Variants in CCDC7 observed in about 807,000 individuals in gnomAD.
CCDC7 encodes coiled-coil domain containing 7, also known as coiled-coil domain-containing protein 7.
In CCDC7, 183 loss-of-function variants were observed where a neutral mutation model predicts 196.9. That is an observed-to-expected ratio of 0.93 (90% CI 0.82 to 1.05). The LOEUF is 1.05. CCDC7 is among the 50% of genes least tolerant of loss of function. The probability of loss-of-function intolerance (pLI) is 0.00; values close to 1 mark genes in which losing one functional copy is unlikely to be tolerated. For missense variants in CCDC7, 1,540 were observed against 1,482.2 expected, an observed-to-expected ratio of 1.04 and a Z score of -0.64; for synonymous variants, 525 against 484.6, an observed-to-expected ratio of 1.08 and a Z score of -1.10.
chr10:32,707,505 C>G (rs2079997752), intron 24 of CCDC7, among the ~76,000 whole-genome samples: 1 of 152,136 alleles, frequency 6.6e-6, no homozygotes, highest in Non-Finnish European at 1.5e-5. Context: ...AAAAGGTATT[C>G]AATTAGGAAA....
At chr10:32,607,769 GT>G (rs1332574288) in intron 18 of CCDC7, among the ~76,000 whole-genome samples, 1 of 152,014 alleles carries the variant, frequency 6.6e-6, no homozygotes, top group East Asian at 1.9e-4. Context: ...TTCATCAGGG[GT>G]TTTGGCCTAT....
chr10:32,757,632 T>G (rs2076689023), intron 28 of CCDC7, among the ~76,000 whole-genome samples: 1 of 152,196 alleles, frequency 6.6e-6, no homozygotes, highest in African/African-American at 2.4e-5. Context: ...TAGCACTAAA[T>G]GCCCACAAGA....
At chr10:32,810,879 C>A (rs567301613) in intron 30 of CCDC7, among the ~76,000 whole-genome samples, 48 of 151,976 alleles carry the variant, frequency 3.2e-4, no homozygotes, top group African/African-American at 1.2e-3. Context: ...GGGAACTGTG[C>A]AAACACATGG....
chr10:32,545,242 A>G (rs1160342373), intron 13 of CCDC7, among the ~76,000 whole-genome samples: 2 of 152,196 alleles, frequency 1.3e-5, no homozygotes, highest in Non-Finnish European at 2.9e-5. Flanking sequence ...AGAGGACAAC[A>G]ATGTAACCTA....
At chr10:32,758,188 C>T (rs1447446947) in intron 28 of CCDC7, among the ~76,000 whole-genome samples, 1 of 152,102 alleles carries the variant, frequency 6.6e-6, no homozygotes, top group Non-Finnish European at 1.5e-5. Flanking sequence ...GGGGCTGGGA[C>T]CATTCCTTCT....
In CCDC7 at chr10:32,845,945, TG is replaced by T; in HGVS notation, c.3591del (p.Lys1198ArgfsTer11). The stretch of plus-strand genomic sequence containing the variant: ...ATAATAGGGCCAATCACTACACAAC[TG>T]AAGAGTCACCGAGGTAAGAGAAAGA... On this transcript the variant is annotated frameshift_variant, in exon 36 of 42. Transcript: ENST00000639629. LOFTEE classifies it high-confidence loss of function. The T allele has an allele frequency of 6.2e-7, 1 of 1,610,644 alleles. No individual in the cohort carries two copies. The highest frequency in any genetic ancestry group is 8.5e-7 in the Non-Finnish European group (1 of 1,177,566).
chr10:32,701,993 T>G (rs933377899), intron 24 of CCDC7, among the ~76,000 whole-genome samples: 7 of 152,312 alleles, frequency 4.6e-5, no homozygotes, highest in East Asian at 1.9e-4. Context: ...TTGATTTTTT[T>G]GAGGGTTTTT....
At chr10:32,831,685 A>G (rs375185851) in intron 32 of CCDC7, among the ~76,000 whole-genome samples, 2 of 152,296 alleles carry the variant, frequency 1.3e-5, no homozygotes, top group East Asian at 3.9e-4. Context: ...CATCAGTATC[A>G]TCACTGTCTT....
At chr10:32,483,210 A>T (rs552864789) in intron 8 of CCDC7, among the ~76,000 whole-genome samples, 14 of 152,284 alleles carry the variant, frequency 9.2e-5, no homozygotes, top group African/African-American at 3.1e-4. Context: ...GTGAGATGGT[A>T]TGTCATTGTG....
Position 32,524,026 on chromosome 10 carries a change from A to G in CCDC7, c.993+5521A>G, listed in dbSNP as rs56386491. On this transcript the variant is annotated intron_variant, in intron 11 of 41. Transcript: ENST00000639629. ...GGGACTTGCTCCTGCCATTTTTTAA[A>G]TTTGTTTTCTGGTTGTTTTACAGCC... is the stretch of plus-strand genomic sequence containing the variant. Among the ~76,000 whole-genome samples, 453 of 137,560 alleles carry G rather than the reference A, an allele frequency of 3.3e-3. 2 individuals are homozygous for G. The highest frequency in any genetic ancestry group is 5.7e-3 in the Non-Finnish European group (355 of 61,974). The allele number at this position is 137,560 out of a possible 152,430, so 90.2% of individuals were successfully genotyped here. A position where few individuals can be genotyped will look rare whatever the true frequency, so the allele number is the denominator to read the frequency against.
chr10:32,714,166 A>G (rs1190202268), intron 25 of CCDC7, among the ~76,000 whole-genome samples: 2 of 152,196 alleles, frequency 1.3e-5, no homozygotes, highest in African/African-American at 4.8e-5. Context: ...CCAATGCAGA[A>G]GGTGGGTGGT....
intron 41 of CCDC7, among the ~76,000 whole-genome samples, chr10:32,870,524 C>T (rs1030691011): frequency 3.9e-5 from 6 of 152,166 alleles, no homozygotes; most frequent in Non-Finnish European, 8.8e-5. Flanking sequence ...TCTAGATATA[C>T]AATCATGTCA....
At chr10:32,725,443 A>G (rs2082983385) in intron 25 of CCDC7, 1 of 468,050 alleles carries the variant, frequency 2.1e-6, no homozygotes, top group Non-Finnish European at 4.4e-6. Context: ...TTTGTTCCAT[A>G]TATTAGGTTA....
At chr10:32,728,911 A>G in exon 27 of CCDC7, 1 of 1,606,148 alleles carries the variant, frequency 6.2e-7, no homozygotes, top group South Asian at 1.1e-5. Context: ...CCAAATGAAA[A>G]TGTGATTTCT....
chr10:32,814,246 C>T (rs2087853246), intron 30 of CCDC7, 124 bp from the exon 32 acceptor site: 1 of 689,330 alleles, frequency 1.5e-6, no homozygotes, highest in South Asian at 1.7e-5. Flanking sequence ...GCGTGAGCCA[C>T]CGTGCCCAGC....
chr10:32,819,967 G>T (rs557269665), intron 31 of CCDC7, among the ~76,000 whole-genome samples: 1 of 152,178 alleles, frequency 6.6e-6, no homozygotes. Context: ...TCTGACCAGG[G>T]CAATCAGGCA....
chr10:32,636,634 G>T (rs1203497174), intron 20 of CCDC7, among the ~76,000 whole-genome samples: 3 of 152,152 alleles, frequency 2.0e-5, no homozygotes, highest in South Asian at 4.1e-4. Context: ...ATCATTGTTG[G>T]ACATTTGGGT....
At chr10:32,472,801 G>A (rs781445638) in intron 7 of CCDC7, among the ~76,000 whole-genome samples, 28 of 150,698 alleles carry the variant, frequency 1.9e-4, no homozygotes, top group Admixed American at 3.3e-4. Flanking sequence ...TCACTATGTC[G>A]CCCAGGCTGG....
chr10:32,530,206 A>G (rs1229464157), intron 11 of CCDC7, among the ~76,000 whole-genome samples: 2 of 152,154 alleles, frequency 1.3e-5, no homozygotes, highest in Non-Finnish European at 2.9e-5. Flanking sequence ...AGGCGATGTG[A>G]TGCTTCCAGA....
Sources: gnomAD v4.1 joint callset for allele counts (sites outside exome capture counted in the v4.1 genomes callset) on GRCh38, gnomAD v4.1.1 for gene constraint, MANE v1.5 for transcripts, NCBI Gene and HGNC (gene_info 2026-07-23, HGNC 2026-07-21) for gene names.